TXNL1: variants seen among roughly 807,000 people sequenced by gnomAD.
TXNL1 encodes the protein thioredoxin-like protein 1.
A neutral mutation model predicts 35.5 loss-of-function variants in TXNL1; 14 were observed. The observed-to-expected ratio is 0.39, with a 90% CI of 0.26 to 0.62. The LOEUF is 0.62. Among genes scored for constraint, TXNL1 ranks in the 20% least tolerant of loss-of-function variants. TXNL1 has a pLI of 0.47. For missense variants in TXNL1, 263 were observed against 349.7 expected (o/e 0.75, Z 1.98); for synonymous variants, 110 against 115.5 (o/e 0.95, Z 0.31).
At position 56,602,741 on chromosome 18, in the gene TXNL1, A is replaced by C. The variant is rs1008995484; in HGVS notation, c.*286T>G. On this transcript the variant is annotated 3_prime_UTR_variant, in exon 8 of 8. Coordinates refer to ENST00000217515, the MANE Select transcript of TXNL1 (RefSeq NM_004786.3). ...GCTTTCAATCAATATACTACCAGACACTTAAGTCTCTACTAAAATCAGAAG... is the reference window on the plus strand; with the variant it reads ...GCTTTCAATCAATATACTACCAGACCCTTAAGTCTCTACTAAAATCAGAAG... 3.9e-5 allele frequency: 20 copies of C among 514,270 alleles called. No homozygotes were observed. The highest frequency in any genetic ancestry group is 5.5e-5 in the Non-Finnish European group (16 of 291,298). The allele number at this position is 514,270 out of a possible 1,614,324, so 31.9% of individuals were successfully genotyped here.
At chr18:56,633,983 C>CAAAA (rs71169380) in intron 1 of TXNL1, among the ~76,000 whole-genome samples, 18 of 51,318 alleles carry the variant, frequency 3.5e-4, no homozygotes, top group South Asian at 1.1e-3. Flanking sequence ...GACTCCATCT[C>CAAAA]AAAAAAAAAA....
Position 56,600,345 on chromosome 18 carries a change from C to A in TXNL1, c.*2682G>T, listed in dbSNP as rs2023796442. 1 of 151,256 alleles carries A rather than the reference C, an allele frequency of 6.6e-6. No homozygotes were observed. The highest frequency in any genetic ancestry group is 1.5e-5 in the Non-Finnish European group (1 of 67,860). 9.4% of individuals were successfully genotyped at this position (151,256 alleles called of 1,614,324 possible). Reference sequence around the variant, plus strand: ...GGGAACAATGTGGGGCAGGTTTCAACTCTAATTGTTACGTGGCTGCCTCCA... The same window carrying A: ...GGGAACAATGTGGGGCAGGTTTCAAATCTAATTGTTACGTGGCTGCCTCCA... On this transcript the variant is annotated 3_prime_UTR_variant, in exon 8 of 8. Transcript: ENST00000217515.
Position 56,627,634 on chromosome 18 carries a change from G to A in TXNL1, c.99-1177C>T, listed in dbSNP as rs80004411. ...CTGAAAAACTTGATGTAGCATTGCA[G>A]TGGGAAAAGGATGGTCTTTTCAATA... On this transcript the variant is annotated intron_variant, in intron 1 of 7. Coordinates refer to ENST00000217515, the MANE Select transcript of TXNL1 (RefSeq NM_004786.3). Among the ~76,000 whole-genome samples, 104 of 152,288 alleles carry A rather than the reference G, an allele frequency of 6.8e-4. 1 individual carries two copies. The highest frequency in any genetic ancestry group is 2.5e-3 in the African/African-American group (102 of 41,564).
chr18:56,612,469 T>C (rs904080956), intron 6 of TXNL1, among the ~76,000 whole-genome samples: 6 of 152,294 alleles, frequency 3.9e-5, no homozygotes, highest in Admixed American at 2.6e-4. Context: ...TCCTTTGTCA[T>C]ACATTGGATT....
intron 1 of TXNL1, among the ~76,000 whole-genome samples, chr18:56,635,072 C>A (rs2024434991): frequency 6.6e-6 from 1 of 152,060 alleles, no homozygotes; most frequent in South Asian, 2.1e-4. Flanking sequence ...CCAGCCTGGG[C>A]AACAAAGTGA....
intron 3 of TXNL1, among the ~76,000 whole-genome samples, chr18:56,623,432 A>AT (rs2024223744): frequency 6.6e-6 from 1 of 152,050 alleles, no homozygotes; most frequent in Non-Finnish European, 1.5e-5. Flanking sequence ...CCTCAAAAAA[A>AT]AAAAAAAAAA....
chr18:56,624,023 G>C (rs763743509), intron 3 of TXNL1, among the ~76,000 whole-genome samples: 41 of 152,184 alleles, frequency 2.7e-4, no homozygotes, highest in Non-Finnish European at 5.4e-4. Context: ...TATTAAAATA[G>C]TTCAGAAAGC....
intron 3 of TXNL1, among the ~76,000 whole-genome samples, chr18:56,623,372 G>A (rs2024221714): frequency 6.7e-6 from 1 of 149,862 alleles, no homozygotes; most frequent in African/African-American, 2.5e-5. Context: ...AGGTTGCAGT[G>A]AGCTGAGATC....
intron 5 of TXNL1, among the ~76,000 whole-genome samples, chr18:56,615,920 A>G (rs1568102382): frequency 6.6e-6 from 1 of 152,098 alleles, no homozygotes; most frequent in Non-Finnish European, 1.5e-5. Context: ...ACTTGGGGTC[A>G]GGAGTTCAAG....
rs1377606005 is a variant in TXNL1 at position 56,600,489 on chromosome 18, G to A, written c.*2538C>T. ...TGTGGGGCAGGTTTCAACTCTAATT[G>A]TTACGTGGCTGCCTCCAACAGAATA... On this transcript the variant is annotated 3_prime_UTR_variant, in exon 8 of 8. Coordinates refer to ENST00000217515, the MANE Select transcript of TXNL1 (RefSeq NM_004786.3). 1 of 150,922 alleles carries A rather than the reference G, an allele frequency of 6.6e-6. No individual in the cohort carries two copies. Among genetic ancestry groups the A allele is most frequent in the Non-Finnish European group, 1.5e-5 (1 of 67,938 alleles). The allele number at this position is 150,922 out of a possible 1,614,324, so 9.3% of individuals were successfully genotyped here.
At chr18:56,627,005 G>A (rs2024296657) in intron 1 of TXNL1, among the ~76,000 whole-genome samples, 1 of 149,834 alleles carries the variant, frequency 6.7e-6, no homozygotes, top group Admixed American at 6.6e-5. Context: ...GAGAAGCAGG[G>A]TCTCACTATA....
At position 56,610,837 on chromosome 18, in the gene TXNL1, G is replaced by C. The variant is rs2023977934; in HGVS notation, c.840+156C>G. ...GTTGGATATCTAAAAATATAGTTAG[G>C]GGAACTTTCTATCCTAGTTTAGCCT... On this transcript the variant is annotated intron_variant, in intron 7 of 7. Transcript: ENST00000217515. The C allele has an allele frequency of 8.2e-6, 4 of 484,852 alleles. No individual in the cohort carries two copies. The East Asian group carries it at 1.6e-4, about 19-fold the overall frequency. The allele number at this position is 484,852 out of a possible 1,614,324, so 30.0% of individuals were successfully genotyped here. A position where few individuals can be genotyped will look rare whatever the true frequency, so the allele number is the denominator to read the frequency against.
At chr18:56,635,522 T>C (rs1318614403) in intron 1 of TXNL1, among the ~76,000 whole-genome samples, 2 of 152,186 alleles carry the variant, frequency 1.3e-5, no homozygotes, top group Non-Finnish European at 2.9e-5. Flanking sequence ...GGACAAATAT[T>C]GTTACGATTT....
At chr18:56,626,797 CTTTTTTT>C (rs386387792) in intron 1 of TXNL1, among the ~76,000 whole-genome samples, 37 of 55,012 alleles carry the variant, frequency 6.7e-4, no homozygotes, top group Admixed American at 9.3e-4. Context: ...CCAAGCCGGT[CTTTTTTT>C]TTTTTTTTTT....
Position 56,630,933 on chromosome 18 carries a change from T to C in TXNL1, c.99-4476A>G, listed in dbSNP as rs980862587. ...GTTTCACTCTGTCACCCAGGTTGAG[T>C]GCAGTGGCATAATCATGGCTCACTG... On this transcript the variant is annotated intron_variant, in intron 1 of 7. Transcript: ENST00000217515. Among the ~76,000 whole-genome samples, 4 of 151,978 alleles carry C rather than the reference T, an allele frequency of 2.6e-5. No individual in the cohort carries two copies. In the East Asian group the frequency reaches 7.7e-4, roughly 29 times the overall value.
intron 3 of TXNL1, among the ~76,000 whole-genome samples, chr18:56,619,308 C>T (rs1001723771): frequency 3.3e-5 from 5 of 150,794 alleles, no homozygotes; most frequent in South Asian, 2.1e-4. Context: ...GAGGCCGAGG[C>T]GGGTGAATCG....
chr18:56,610,946 T>A (rs1451922273), intron 7 of TXNL1, 47 bp downstream of exon 7: 1 of 1,244,256 alleles, frequency 8.0e-7, no homozygotes, highest in East Asian at 2.6e-5. Flanking sequence ...ATTATTCCAT[T>A]AAAATTATAT....
chr18:56,612,017 C>CTTT (rs1240758709), intron 6 of TXNL1, among the ~76,000 whole-genome samples: 1 of 109,120 alleles, frequency 9.2e-6, no homozygotes, highest in Non-Finnish European at 1.6e-5. Context: ...CCCGGCTAAT[C>CTTT]TTTTTTTTTT....
At chr18:56,607,058 T>C (rs902006457) in intron 7 of TXNL1, among the ~76,000 whole-genome samples, 1 of 152,128 alleles carries the variant, frequency 6.6e-6, no homozygotes, top group African/African-American at 2.4e-5. Flanking sequence ...GGCGTGATCC[T>C]AGCTCGCTGC....
Sources: gnomAD v4.1 joint callset for allele counts (sites outside exome capture counted in the v4.1 genomes callset) on GRCh38, gnomAD v4.1.1 for gene constraint, MANE v1.5 for transcripts, NCBI Gene and HGNC (gene_info 2026-07-23, HGNC 2026-07-21) for gene names.